Variants in CNTNAP2 observed in about 807,000 individuals in gnomAD.
CNTNAP2 encodes contactin-associated protein-like 2.
A neutral mutation model predicts 155.2 loss-of-function variants in CNTNAP2; 98 were observed. That is an observed-to-expected ratio of 0.63 (90% CI 0.54 to 0.75). The LOEUF (loss-of-function observed/expected upper bound fraction) is 0.75, where lower values mean the gene tolerates loss of function less well. Among genes scored for constraint, CNTNAP2 ranks in the 30% least tolerant of loss-of-function variants. The pLI, the probability that CNTNAP2 is intolerant of heterozygous loss-of-function variation, is 0.00. For synonymous variants in CNTNAP2, 651 were observed against 631.2 expected, an observed-to-expected ratio of 1.03 and a Z score of -0.47; for missense variants, 1,727 against 1,688.1, an observed-to-expected ratio of 1.02 and a Z score of -0.40.
chr7:148,107,448 T>C (rs1048130378), intron 15 of CNTNAP2, among the ~76,000 whole-genome samples: 1 of 152,238 alleles, frequency 6.6e-6, no homozygotes, highest in Non-Finnish European at 1.5e-5. Flanking sequence ...ACAGGCTTGC[T>C]GGACGGGAAG....
At chr7:146,534,986 C>G (rs1168179553) in intron 1 of CNTNAP2, among the ~76,000 whole-genome samples, 1 of 140,546 alleles carries the variant, frequency 7.1e-6, no homozygotes, top group African/African-American at 2.7e-5. Context: ...AGTTAATGTA[C>G]ACACACGCTC....
intron 3 of CNTNAP2, among the ~76,000 whole-genome samples, chr7:146,961,461 G>C (rs1436407714): frequency 2.0e-5 from 3 of 152,202 alleles, no homozygotes; most frequent in African/African-American, 7.2e-5. Context: ...AGAACTATGA[G>C]AGCTGGGGCA....
intron 21 of CNTNAP2, among the ~76,000 whole-genome samples, chr7:148,308,722 C>T (rs888946937): frequency 6.6e-6 from 1 of 151,788 alleles, no homozygotes; most frequent in African/African-American, 2.4e-5. Context: ...CTATCCCTCC[C>T]CTAGCCCTCC....
At chr7:148,368,087 T>C (rs1798818456) in intron 21 of CNTNAP2, among the ~76,000 whole-genome samples, 1 of 152,238 alleles carries the variant, frequency 6.6e-6, no homozygotes, top group South Asian at 2.1e-4. Context: ...ATCTGAGCCA[T>C]GGAAGTCACT....
At chr7:147,888,727 T>C (rs2538976) in intron 13 of CNTNAP2, among the ~76,000 whole-genome samples, 58,234 of 131,636 alleles carry the variant, frequency 0.44, 14,836 homozygotes, top group Middle Eastern at 0.49. Flanking sequence ...AAACAAACTA[T>C]TGTGAGAAAA....
At chr7:147,648,286 A>G (rs891978500) in intron 13 of CNTNAP2, among the ~76,000 whole-genome samples, 2 of 152,158 alleles carry the variant, frequency 1.3e-5, no homozygotes, top group East Asian at 1.9e-4. Flanking sequence ...GAACAAGGAC[A>G]CCTGTTTCAA....
At chr7:147,671,347 G>A (rs996674357) in intron 13 of CNTNAP2, among the ~76,000 whole-genome samples, 3 of 152,230 alleles carry the variant, frequency 2.0e-5, no homozygotes, top group East Asian at 1.9e-4. Flanking sequence ...GTGTAGAGGA[G>A]GACCGGACAC....
Position 146,721,889 on chromosome 7 carries a change from A to ATTTTTTTTTTTTTTTTTTTTTTT in CNTNAP2, c.98-52365_98-52364insTTTTTTTTTTTTTTTTTTTTTTT, listed in dbSNP as rs71527797. The stretch of plus-strand genomic sequence containing the variant: ...TGTGTGTGTGTGTATATATATATAT[A>ATTTTTTTTTTTTTTTTTTTTTTT]TTTTTTTTTTTTTTTTTGAGATGGA... On this transcript the variant is annotated intron_variant, in intron 1 of 23. Transcript: ENST00000361727. 5.7e-5 allele frequency among the ~76,000 whole-genome samples: 4 copies of ATTTTTTTTTTTTTTTTTTTTTTT among 69,708 alleles called. 1 individual carries two copies. In the African/African-American group the frequency reaches 7.6e-4, roughly 13 times the overall value. 45.7% of individuals were successfully genotyped at this position (69,708 alleles called of 152,430 possible). A position where few individuals can be genotyped will look rare whatever the true frequency, so the allele number is the denominator to read the frequency against.
intron 1 of CNTNAP2, among the ~76,000 whole-genome samples, chr7:146,449,973 C>A (rs571356879): frequency 1.3e-5 from 2 of 152,244 alleles, no homozygotes; most frequent in African/African-American, 4.8e-5. Context: ...AGTTATCAGT[C>A]CACTATTTCT....
intron 1 of CNTNAP2, among the ~76,000 whole-genome samples, chr7:146,278,307 G>A (rs1481934082): frequency 6.6e-6 from 1 of 152,098 alleles, no homozygotes; most frequent in Non-Finnish European, 1.5e-5. Flanking sequence ...TTGAAATTCT[G>A]AGTGTCTTGA....
In CNTNAP2 at chr7:146,518,656, A is replaced by G. The variant is rs1797574917; in HGVS notation, c.98-255615A>G. ...TAAAAATTCAAACATTTTGATCATG[A>G]GTAGGAGCATAAACAGAGTGTATCA... On this transcript the variant is annotated intron_variant, in intron 1 of 23. Coordinates refer to ENST00000361727, the MANE Select transcript of CNTNAP2 (RefSeq NM_014141.6). 2.6e-5 allele frequency among the ~76,000 whole-genome samples: 4 copies of G among 151,958 alleles called. No homozygotes were observed. In the South Asian group the frequency reaches 8.3e-4, roughly 32 times the overall value.
At chr7:146,629,773 A>G (rs347215) in intron 1 of CNTNAP2, among the ~76,000 whole-genome samples, 99,097 of 151,982 alleles carry the variant, frequency 0.65, 33,745 homozygotes, top group African/African-American at 0.82. Flanking sequence ...CATGAGTAAT[A>G]ACAACAAGAA....
chr7:146,434,331 C>T lies in CNTNAP2; in HGVS notation c.97+317358C>T, dbSNP rs546654153. 1.3e-3 allele frequency among the ~76,000 whole-genome samples: 193 copies of T among 152,200 alleles called. 1 individual carries two copies. Among genetic ancestry groups the T allele is most frequent in the Non-Finnish European group, 2.2e-3 (148 of 68,004 alleles). On this transcript the variant is annotated intron_variant, in intron 1 of 23. Coordinates refer to ENST00000361727, the MANE Select transcript of CNTNAP2 (RefSeq NM_014141.6). Reference sequence around the variant, plus strand: ...TCTTATTAGTTTTCTTATTTATAAGCGTGGCTAAAGCATTAATGGTGCTTT... The same window carrying T: ...TCTTATTAGTTTTCTTATTTATAAGTGTGGCTAAAGCATTAATGGTGCTTT...
chr7:148,251,808 T>A lies in CNTNAP2; in HGVS notation c.3382-15225T>A, dbSNP rs76442465. On this transcript the variant is annotated intron_variant, in intron 20 of 23. Transcript: ENST00000361727. ...GATCCTATTGGATGATCCAGTCACA[T>A]GTTCTTCCTAAATGCCAAGGGTATG... Among the ~76,000 whole-genome samples the A allele has an allele frequency of 1.1e-3, 170 of 152,292 alleles. 2 individuals carry two copies. The East Asian group carries it at 0.027, about 25-fold the overall frequency.
At chr7:147,609,564 G>A (rs563860145) in intron 12 of CNTNAP2, among the ~76,000 whole-genome samples, 2 of 152,038 alleles carry the variant, frequency 1.3e-5, no homozygotes, top group Non-Finnish European at 2.9e-5. Flanking sequence ...TAAGGTTGTG[G>A]GGGAGACAGA....
chr7:147,707,486 C>A (rs902946278), intron 13 of CNTNAP2, among the ~76,000 whole-genome samples: 3 of 152,204 alleles, frequency 2.0e-5, no homozygotes, highest in Non-Finnish European at 4.4e-5. Flanking sequence ...TTTCTGGGGA[C>A]AGGGACAACA....
chr7:146,964,419 A>G (rs1797616425), intron 3 of CNTNAP2, among the ~76,000 whole-genome samples: 1 of 152,224 alleles, frequency 6.6e-6, no homozygotes, highest in Non-Finnish European at 1.5e-5. Flanking sequence ...AGAAGACAGT[A>G]AAGTCCTAAA....
intron 1 of CNTNAP2, among the ~76,000 whole-genome samples, chr7:146,676,330 G>C (rs942468098): frequency 6.6e-6 from 1 of 152,120 alleles, no homozygotes; most frequent in Non-Finnish European, 1.5e-5. Flanking sequence ...AGAAGAAACT[G>C]AGGTGAAATT....
At chr7:148,328,924 C>A in intron 21 of CNTNAP2, among the ~76,000 whole-genome samples, 1 of 129,902 alleles carries the variant, frequency 7.7e-6, no homozygotes, top group African/African-American at 2.8e-5. Context: ...TGCAGTGAGC[C>A]GAGATTGTGC....
Sources: gnomAD v4.1 joint callset for allele counts (sites outside exome capture counted in the v4.1 genomes callset) on GRCh38, gnomAD v4.1.1 for gene constraint, MANE v1.5 for transcripts, NCBI Gene and HGNC (gene_info 2026-07-23, HGNC 2026-07-21) for gene names.